The following UBE2E2 variants were observed in gnomAD, a reference collection of about 807,000 sequenced individuals.
UBE2E2 encodes ubiquitin-conjugating enzyme E2 E2.
UBE2E2 carries 6 observed loss-of-function variants against 24.7 expected under a neutral mutation model. That is an observed-to-expected ratio of 0.24 (90% CI 0.13 to 0.48). The LOEUF is 0.48. Ranked by LOEUF, UBE2E2 falls within the 20% of genes least tolerant of loss-of-function variation. The pLI is 0.99. For missense variants in UBE2E2, 169 were observed against 245.0 expected, an observed-to-expected ratio of 0.69 and a Z score of 2.07; for synonymous variants, 104 against 83.6, an observed-to-expected ratio of 1.24 and a Z score of -1.33.
chr3:23,322,327 A>G (rs1345636895), intron 3 of UBE2E2, among the ~76,000 whole-genome samples: 2 of 152,162 alleles, frequency 1.3e-5, no homozygotes, highest in African/African-American at 4.8e-5. Flanking sequence ...ACTTTAAAAA[A>G]CTTTAAATAC....
chr3:23,548,420 C>G (rs1029054904), intron 5 of UBE2E2, among the ~76,000 whole-genome samples: 38 of 152,156 alleles, frequency 2.5e-4, no homozygotes, highest in African/African-American at 8.9e-4. Context: ...TACACATGCA[C>G]AAACCCCACC....
chr3:23,249,699 A>C lies in UBE2E2; in HGVS notation c.227+32387A>C, dbSNP rs368053417. Among the ~76,000 whole-genome samples the C allele has an allele frequency of 2.6e-5, 4 of 151,952 alleles. No individual in the cohort carries two copies. The East Asian group carries it at 5.8e-4, about 22-fold the overall frequency. On this transcript the variant is annotated intron_variant, in intron 3 of 5. Coordinates refer to ENST00000396703, the MANE Select transcript of UBE2E2 (RefSeq NM_152653.4). ...GAGATGGAGTCTTGCTCTTTCGCGC[A>C]GACTGGAGTGCAGTGGCATGATCTC...
chr3:23,340,763 G>A (rs1007053713), intron 3 of UBE2E2, among the ~76,000 whole-genome samples: 1 of 152,120 alleles, frequency 6.6e-6, no homozygotes, highest in Non-Finnish European at 1.5e-5. Flanking sequence ...AGGTGTGTTT[G>A]TTAACTCTGA....
At chr3:23,272,009 C>G (rs1168847178) in intron 3 of UBE2E2, among the ~76,000 whole-genome samples, 1 of 152,228 alleles carries the variant, frequency 6.6e-6, no homozygotes, top group Non-Finnish European at 1.5e-5. Flanking sequence ...GAGCTGCCCA[C>G]CAGTCCCGCA....
At chr3:23,327,214 G>T (rs1694924551) in intron 3 of UBE2E2, among the ~76,000 whole-genome samples, 1 of 152,188 alleles carries the variant, frequency 6.6e-6, no homozygotes, top group Admixed American at 6.5e-5. Context: ...GGGTCAAATA[G>T]TACTTCTAGT....
chr3:23,498,856 C>T (rs570694510), intron 3 of UBE2E2, among the ~76,000 whole-genome samples: 7 of 152,226 alleles, frequency 4.6e-5, no homozygotes, highest in Non-Finnish European at 8.8e-5. Flanking sequence ...TCACTCGACT[C>T]ATGTGGGCCA....
chr3:23,244,538 A>G (rs1697338153), intron 3 of UBE2E2, among the ~76,000 whole-genome samples: 1 of 152,188 alleles, frequency 6.6e-6, no homozygotes, highest in South Asian at 2.1e-4. Flanking sequence ...TTTGTTTATT[A>G]TAGCTGAGTA....
intron 3 of UBE2E2, among the ~76,000 whole-genome samples, chr3:23,219,347 G>C (rs1486800353): frequency 2.0e-5 from 3 of 152,126 alleles, no homozygotes; most frequent in Non-Finnish European, 4.4e-5. Flanking sequence ...TGGATGTTTG[G>C]TGTGCTTATT....
intron 3 of UBE2E2, among the ~76,000 whole-genome samples, chr3:23,400,285 C>T (rs774888544): frequency 6.6e-6 from 1 of 152,134 alleles, no homozygotes; most frequent in Admixed American, 6.6e-5. Context: ...GTCTAATTAA[C>T]CACATTCTGT....
At chr3:23,533,460 A>C (rs2125486211) in intron 5 of UBE2E2, among the ~76,000 whole-genome samples, 1 of 152,314 alleles carries the variant, frequency 6.6e-6, no homozygotes, top group Middle Eastern at 3.4e-3. Flanking sequence ...AACTCTGTTC[A>C]CTGGATACAT....
At chr3:23,203,934 C>T (rs189146378) in intron 1 of UBE2E2, among the ~76,000 whole-genome samples, 2 of 152,056 alleles carry the variant, frequency 1.3e-5, no homozygotes, top group Non-Finnish European at 2.9e-5. Flanking sequence ...GCTCCTTCGC[C>T]GCCGCACCCC....
chr3:23,517,039 G>A (rs2125471252), intron 4 of UBE2E2, among the ~76,000 whole-genome samples: 1 of 151,946 alleles, frequency 6.6e-6, no homozygotes. Flanking sequence ...ACCAATACAG[G>A]CCTTTGAAGA....
intron 3 of UBE2E2, among the ~76,000 whole-genome samples, chr3:23,380,216 TA>T (rs201923897): frequency 0.03 from 4,447 of 150,490 alleles, 112 homozygotes; most frequent in East Asian, 0.13. Flanking sequence ...TCTTCTTTAT[TA>T]AAAAAAAAAT....
At position 23,583,282 on chromosome 3, in the gene UBE2E2, G is replaced by A. The variant is rs1442738418; in HGVS notation, c.509-6452G>A. The stretch of plus-strand genomic sequence containing the variant: ...CTGGGCTCTTTATTTTGTTCCACTA[G>A]TCTATGTGTCTGTTTTTGTACCAGT... On this transcript the variant is annotated intron_variant, in intron 5 of 5. Transcript: ENST00000396703. This position sits in a 1 kb window ranked among gnomAD's most constrained non-coding sequence, Gnocchi z 4.1. 6.6e-6 allele frequency among the ~76,000 whole-genome samples: 1 copy of A among 152,090 alleles called. No individual in the cohort carries two copies. Among genetic ancestry groups the A allele is most frequent in the Non-Finnish European group, 1.5e-5 (1 of 68,012 alleles).
chr3:23,208,862 A>C lies in UBE2E2; in HGVS notation c.163A>C (p.Thr55Pro), dbSNP rs752327290. 1.2e-6 allele frequency: 2 copies of C among 1,612,586 alleles called. No individual in the cohort carries two copies. The highest frequency in any genetic ancestry group is 1.1e-5 in the South Asian group (1 of 90,818). Residue 55 changes from threonine (T) to proline (P), a missense_variant, in exon 2 of 6, where the codon ACT becomes CCT. Thr to Pro is a conservative substitution (Grantham distance 38). Transcript: ENST00000396703. ...CAGCAAAACCGCTGCTAAATTGTCA[A>C]CTAGTGCTAAAAGGTACTTCAGTTA... ...ISSKTAAKLSTSAKRIQKELA... is the reference protein window; with the variant it reads ...ISSKTAAKLSPSAKRIQKELA...
chr3:23,390,328 A>C (rs967529096), intron 3 of UBE2E2, among the ~76,000 whole-genome samples: 2 of 152,190 alleles, frequency 1.3e-5, no homozygotes, highest in African/African-American at 4.8e-5. Context: ...GACGCAAAGC[A>C]GCTGAACATC....
At chr3:23,434,193 C>T (rs1698130680) in intron 3 of UBE2E2, among the ~76,000 whole-genome samples, 1 of 152,020 alleles carries the variant, frequency 6.6e-6, no homozygotes, top group South Asian at 2.1e-4. Context: ...TATTACTGTG[C>T]AATTTTGTTG....
At chr3:23,371,269 A>C (rs1696392915) in intron 3 of UBE2E2, among the ~76,000 whole-genome samples, 1 of 152,094 alleles carries the variant, frequency 6.6e-6, no homozygotes, top group South Asian at 2.1e-4. Flanking sequence ...GACCTCAGGT[A>C]ATCCTCCCAC....
At chr3:23,536,500 A>T (rs1389565953) in intron 5 of UBE2E2, among the ~76,000 whole-genome samples, 2 of 152,152 alleles carry the variant, frequency 1.3e-5, no homozygotes, top group Admixed American at 6.5e-5. Flanking sequence ...TTCTAAACTC[A>T]GTTATGATGT....
Sources: allele counts gnomAD v4.1 joint callset (sites outside exome capture counted in the v4.1 genomes callset), GRCh38; gene constraint gnomAD v4.1.1; non-coding constraint Gnocchi (gnomAD v3.1); transcripts MANE v1.5; gene names NCBI Gene and HGNC (gene_info 2026-07-23, HGNC 2026-07-21).